Variants in IPO11 observed in about 807,000 individuals in gnomAD.
The protein encoded by IPO11 is importin-11.
A neutral mutation model predicts 143.2 loss-of-function variants in IPO11; 66 were observed. That is an observed-to-expected ratio of 0.46 (90% CI 0.38 to 0.57). The LOEUF is 0.57. Ranked by LOEUF, IPO11 falls within the 20% of genes least tolerant of loss-of-function variation. IPO11 has a pLI of 0.00. For synonymous variants in IPO11, 385 were observed against 377.8 expected, an observed-to-expected ratio of 1.02 and a Z score of -0.22; for missense variants, 1,026 against 1,141.0, an observed-to-expected ratio of 0.90 and a Z score of 1.45.
intron 13 of IPO11, 29 bp downstream of exon 13, chr5:62,487,890 G>T: frequency 3.2e-6 from 5 of 1,581,024 alleles, no homozygotes; most frequent in Non-Finnish European, 4.3e-6. Context: ...TTAACTTTGA[G>T]TTAATCTCTT....
chr5:62,506,435 ATTGT>A, intron 19 of IPO11, 78 bp downstream of exon 19: 1 of 789,806 alleles, frequency 1.3e-6, no homozygotes, highest in East Asian at 2.5e-5. Flanking sequence ...CCTTGACTAC[ATTGT>A]TTAAGAGTTA....
At chr5:62,627,029 T>C in intron 29 of IPO11, 125 bp from the exon 30 acceptor site, 1 of 728,012 alleles carries the variant, frequency 1.4e-6, no homozygotes, top group Non-Finnish European at 2.2e-6. Context: ...ACAGAATCTG[T>C]GTGAGAAGAG....
At chr5:62,422,461 G>C (rs893003063) in intron 1 of IPO11, 4 of 152,236 alleles carry the variant, frequency 2.6e-5, no homozygotes, top group Admixed American at 1.3e-4. Context: ...CATAACTGCT[G>C]TTCCTTAGTG....
rs554429277 is a variant in IPO11 at position 62,561,567 on chromosome 5, T to G, written c.2582+310T>G. 2.0e-4 allele frequency among the ~76,000 whole-genome samples: 31 copies of G among 152,282 alleles called. No homozygotes were observed. In the Middle Eastern group the frequency reaches 0.014, roughly 67 times the overall value. ...ATTAGACTAATCTTCAGTCCTCTGT[T>G]TACATAGATATATTAAATATCTAAC... On this transcript the variant is annotated intron_variant, in intron 27 of 29. Transcript: ENST00000325324.
At chr5:62,551,050 T>C (rs1743372079) in intron 25 of IPO11, among the ~76,000 whole-genome samples, 173 bp from the exon 26 acceptor site, 1 of 149,942 alleles carries the variant, frequency 6.7e-6, no homozygotes, top group Admixed American at 6.7e-5. Context: ...GTGCATATAA[T>C]TCATATATGT....
rs1378263214 is a variant in IPO11 at position 62,514,561 on chromosome 5, C to T, written c.1783-827C>T. ...GCAGCAGTACAGTCCAGCTTTGGCC[C>T]GGCATGAGAGGGAGACCGTGGAAAG... On this transcript the variant is annotated intron_variant, in intron 19 of 29. Coordinates refer to ENST00000325324, the MANE Select transcript of IPO11 (RefSeq NM_016338.5). 2.5e-3 allele frequency among the ~76,000 whole-genome samples: 355 copies of T among 140,572 alleles called. 5 individuals carry two copies. Among genetic ancestry groups the T allele is most frequent in the African/African-American group, 9.5e-3 (334 of 35,098 alleles). 92.2% of individuals were successfully genotyped at this position (140,572 alleles called of 152,430 possible).
chr5:62,594,221 TG>T lies in IPO11; in HGVS notation c.2678+2551del, dbSNP rs533658340. ...TATAAAGAAATTGATTGTAAGGAAT[TG>T]GCTCACATGATTATGGAGGCTGAGG... On this transcript the variant is annotated intron_variant, in intron 28 of 29. Transcript: ENST00000325324. 1.2e-4 allele frequency among the ~76,000 whole-genome samples: 18 copies of T among 152,310 alleles called. No homozygotes were observed. In the South Asian group the frequency reaches 3.7e-3, roughly 32 times the overall value.
intron 15 of IPO11, 51 bp downstream of exon 15, chr5:62,490,271 T>G (rs555639963): frequency 8.2e-7 from 1 of 1,223,352 alleles, no homozygotes; most frequent in African/African-American, 1.6e-5. Context: ...CTTATTTATT[T>G]TATTAATGAA....
At chr5:62,440,772 G>A (rs553645686) in intron 2 of IPO11, among the ~76,000 whole-genome samples, 2 of 152,136 alleles carry the variant, frequency 1.3e-5, no homozygotes, top group African/African-American at 4.8e-5. Context: ...AGACCCACCT[G>A]GCCAACATGG....
At chr5:62,571,754 C>A (rs1744138526) in intron 27 of IPO11, among the ~76,000 whole-genome samples, 1 of 151,048 alleles carries the variant, frequency 6.6e-6, no homozygotes, top group East Asian at 1.9e-4. Context: ...GGCACAATCT[C>A]AGCTCACTGC....
chr5:62,531,026 C>T (rs1403464811), intron 22 of IPO11, among the ~76,000 whole-genome samples: 7 of 152,154 alleles, frequency 4.6e-5, no homozygotes, highest in Non-Finnish European at 8.8e-5. Flanking sequence ...CTTTGAGTTC[C>T]TCCCTCTGCC....
At chr5:62,426,023 G>T (rs1183781086) in intron 1 of IPO11, among the ~76,000 whole-genome samples, 1 of 152,204 alleles carries the variant, frequency 6.6e-6, no homozygotes, top group East Asian at 1.9e-4. Flanking sequence ...ATAAGACTCA[G>T]AGTCCCCTGG....
intron 24 of IPO11, among the ~76,000 whole-genome samples, chr5:62,544,739 C>G (rs1397003106): frequency 1.3e-5 from 2 of 152,160 alleles, no homozygotes; most frequent in Non-Finnish European, 2.9e-5. Flanking sequence ...AGCTGATAAG[C>G]AACTTCAGCA....
intron 27 of IPO11, chr5:62,578,829 G>GCAGTGC (rs1225945289): frequency 1.2e-5 from 5 of 409,718 alleles, no homozygotes; most frequent in Non-Finnish European, 2.4e-5. Flanking sequence ...GTGGAGGTCA[G>GCAGTGC]CAGTGCCACA....
At chr5:62,563,654 T>A (rs1417870375) in intron 27 of IPO11, among the ~76,000 whole-genome samples, 1 of 152,170 alleles carries the variant, frequency 6.6e-6, no homozygotes, top group Non-Finnish European at 1.5e-5. Context: ...AAATGTGAAA[T>A]TTATTTATAT....
At chr5:62,477,345 A>G (rs1745995781) in intron 9 of IPO11, among the ~76,000 whole-genome samples, 1 of 152,236 alleles carries the variant, frequency 6.6e-6, no homozygotes, top group Admixed American at 6.5e-5. Context: ...ACTTGAAGAC[A>G]GGTGGGAACA....
At position 62,464,015 on chromosome 5, in the gene IPO11, C is replaced by T. The variant is rs541316592; in HGVS notation, c.517-3116C>T. On this transcript the variant is annotated intron_variant, in intron 5 of 29. Transcript: ENST00000325324. ...ATTTTTGTATTTGTAATAGAGACGG[C>T]GTTTCGCTGTGTTGGCCAGGCTGGT... Among the ~76,000 whole-genome samples the T allele has an allele frequency of 2.4e-4, 36 of 151,162 alleles. 1 individual carries two copies. In the South Asian group the frequency reaches 6.5e-3, roughly 27 times the overall value.
chr5:62,415,085 GTACTGTA>G (rs767726306), intron 1 of IPO11, among the ~76,000 whole-genome samples: 7 of 152,154 alleles, frequency 4.6e-5, no homozygotes, highest in Non-Finnish European at 2.9e-5. Flanking sequence ...CGTCTATTGG[GTACTGTA>G]CAGGCAGCCT....
intron 1 of IPO11, among the ~76,000 whole-genome samples, chr5:62,434,304 T>G (rs182193274): frequency 8.6e-4 from 130 of 151,966 alleles, no homozygotes; most frequent in African/African-American, 2.9e-3. Context: ...TCAGTCTTTT[T>G]TTTTGTTTGT....
Sources: gnomAD v4.1 joint callset for allele counts (sites outside exome capture counted in the v4.1 genomes callset) on GRCh38, gnomAD v4.1.1 for gene constraint, MANE v1.5 for transcripts, NCBI Gene and HGNC (gene_info 2026-07-23, HGNC 2026-07-21) for gene names.